Variants in ZFAND3 observed in about 807,000 individuals in gnomAD.
The protein encoded by ZFAND3 is AN1-type zinc finger protein 3.
A neutral mutation model predicts 29.6 loss-of-function variants in ZFAND3; 10 were observed. The ratio of observed to expected loss-of-function variants is 0.34; its 90% CI spans 0.21 to 0.57. ZFAND3 has a LOEUF of 0.57. Among genes scored for constraint, ZFAND3 ranks in the 20% least tolerant of loss-of-function variants. The pLI is 0.86. For missense variants in ZFAND3, 230 were observed against 304.5 expected (o/e 0.76, Z 1.82); for synonymous variants, 128 against 112.6 (o/e 1.14, Z -0.87).
chr6:37,845,582 C>T (rs374568223), intron 1 of ZFAND3, among the ~76,000 whole-genome samples: 1 of 152,124 alleles, frequency 6.6e-6, no homozygotes, highest in Admixed American at 6.5e-5. Context: ...ATTGCTTTTT[C>T]GTACTGTGAG....
chr6:37,861,648 G>A (rs1359402856), intron 1 of ZFAND3, among the ~76,000 whole-genome samples: 6 of 152,274 alleles, frequency 3.9e-5, no homozygotes, highest in Non-Finnish European at 8.8e-5. Flanking sequence ...AAAGAATTAT[G>A]AAACTTCTAG....
At chr6:38,091,293 G>C (rs1322620353) in intron 4 of ZFAND3, among the ~76,000 whole-genome samples, 1 of 149,582 alleles carries the variant, frequency 6.7e-6, no homozygotes, top group Non-Finnish European at 1.5e-5. Context: ...AGTTACAGCT[G>C]GTTTTTTTTT....
chr6:37,862,486 G>C (rs1764510230), intron 1 of ZFAND3, among the ~76,000 whole-genome samples: 1 of 149,766 alleles, frequency 6.7e-6, no homozygotes, highest in Non-Finnish European at 1.5e-5. Flanking sequence ...CAGGAGTTGA[G>C]ACCTGGGTGA....
Position 37,891,572 on chromosome 6 carries a change from A to T in ZFAND3, c.72-38387A>T, listed in dbSNP as rs1376614372. Among the ~76,000 whole-genome samples, 6 of 147,466 alleles carry T rather than the reference A, an allele frequency of 4.1e-5. 1 individual carries two copies. The highest frequency in any genetic ancestry group is 4.0e-4 in the Admixed American group (6 of 14,968). On this transcript the variant is annotated intron_variant, in intron 1 of 5. Coordinates refer to ENST00000287218, the MANE Select transcript of ZFAND3 (RefSeq NM_021943.3). ...CGAGATCACACCACTGCTGCACTCC[A>T]GCCTGGGCTAAATAAATAAATAATA...
chr6:38,154,244 A>AGCCCTTCCCG lies in ZFAND3; in HGVS notation c.*1861_*1870dup. Reference sequence around the variant, plus strand: ...GCTCTGGTCCCGAAGAGGCTGTGCGAGCCCTTCCCGGCCCTCCCCAGGGCC... The same window carrying AGCCCTTCCCG: ...GCTCTGGTCCCGAAGAGGCTGTGCGAGCCCTTCCCGGCCCTTCCCGGCCCTCCCCAGGGCC... On this transcript the variant is annotated 3_prime_UTR_variant, in exon 6 of 6. Coordinates refer to ENST00000287218, the MANE Select transcript of ZFAND3 (RefSeq NM_021943.3). 1 of 985,460 alleles carries AGCCCTTCCCG rather than the reference A, an allele frequency of 1.0e-6. No individual in the cohort carries two copies. Among genetic ancestry groups the AGCCCTTCCCG allele is most frequent in the South Asian group, 4.7e-5 (1 of 21,280 alleles). 61.0% of individuals were successfully genotyped at this position (985,460 alleles called of 1,614,324 possible).
chr6:37,845,202 A>G (rs1026516772), intron 1 of ZFAND3, among the ~76,000 whole-genome samples: 2 of 152,140 alleles, frequency 1.3e-5, no homozygotes, highest in African/African-American at 4.8e-5. Context: ...GCTTGGGGCC[A>G]TCTTTAATCT....
intron 2 of ZFAND3, among the ~76,000 whole-genome samples, chr6:37,974,398 CTCTCTTTT>C (rs1229999320): frequency 5.6e-5 from 5 of 89,616 alleles, no homozygotes; most frequent in Admixed American, 1.5e-4. Flanking sequence ...CTCTCTCTCT[CTCTCTTTT>C]TTTTTTTTTT....
chr6:37,931,451 A>T (rs1761592601), intron 2 of ZFAND3, among the ~76,000 whole-genome samples: 1 of 151,454 alleles, frequency 6.6e-6, no homozygotes, highest in African/African-American at 2.4e-5. Flanking sequence ...AGGCTGAGGC[A>T]GGAGAATTGC....
At position 38,107,694 on chromosome 6, in the gene ZFAND3, G is replaced by A. The variant is rs561641044; in HGVS notation, c.362-8878G>A. 9.2e-5 allele frequency among the ~76,000 whole-genome samples: 14 copies of A among 152,218 alleles called. No homozygotes were observed. In the South Asian group the frequency reaches 1.5e-3, roughly 16 times the overall value. On this transcript the variant is annotated intron_variant, in intron 4 of 5. Transcript: ENST00000287218. ...TAAAAATACAAAAAATTAGCCAGGC[G>A]TGGTAGCTCACACCTGTAGTCCCAG...
intron 2 of ZFAND3, among the ~76,000 whole-genome samples, chr6:38,026,421 A>ATT (rs10715149): frequency 0.023 from 1,734 of 74,858 alleles, 213 homozygotes; most frequent in East Asian, 0.041. Flanking sequence ...TTACTTTAGG[A>ATT]TTTTTTTTTT....
At chr6:38,070,426 A>AAG (rs1554171597) in intron 3 of ZFAND3, among the ~76,000 whole-genome samples, 30 of 151,092 alleles carry the variant, frequency 2.0e-4, no homozygotes, top group Admixed American at 5.9e-4. Flanking sequence ...AAAAAAAAAA[A>AAG]AAAGATTTTA....
chr6:38,067,730 T>C (rs1764374888), intron 3 of ZFAND3, among the ~76,000 whole-genome samples: 1 of 152,206 alleles, frequency 6.6e-6, no homozygotes, highest in South Asian at 2.1e-4. Flanking sequence ...TCAGTTGTTT[T>C]GTTGTTCTCA....
chr6:38,081,783 A>T (rs1010568173), intron 3 of ZFAND3, among the ~76,000 whole-genome samples: 7 of 151,926 alleles, frequency 4.6e-5, no homozygotes, highest in Non-Finnish European at 8.8e-5. Context: ...TATGCATCAG[A>T]TCTCTGGGCC....
intron 1 of ZFAND3, among the ~76,000 whole-genome samples, chr6:37,925,060 A>C (rs1456114388): frequency 6.6e-6 from 1 of 152,122 alleles, no homozygotes; most frequent in Non-Finnish European, 1.5e-5. Flanking sequence ...GTCAGATCAC[A>C]AGGAGACTTC....
At chr6:37,991,923 A>T (rs1014460147) in intron 2 of ZFAND3, among the ~76,000 whole-genome samples, 1 of 152,182 alleles carries the variant, frequency 6.6e-6, no homozygotes, top group Non-Finnish European at 1.5e-5. Flanking sequence ...GATTCTTTTG[A>T]CATTTAACCC....
Position 37,907,197 on chromosome 6 carries a change from A to G in ZFAND3, c.72-22762A>G, listed in dbSNP as rs75888512. Among the ~76,000 whole-genome samples the G allele has an allele frequency of 4.3e-3, 659 of 152,204 alleles. 3 individuals carry two copies. The highest frequency in any genetic ancestry group is 0.015 in the African/African-American group (630 of 41,534). On this transcript the variant is annotated intron_variant, in intron 1 of 5. Transcript: ENST00000287218. ...TATCATTGATTTTTTTTCAGATCAT[A>G]GAATATTCCTCTCCCAACTTTTTTG...
intron 1 of ZFAND3, among the ~76,000 whole-genome samples, chr6:37,849,679 G>T (rs1764247926): frequency 6.6e-6 from 1 of 152,124 alleles, no homozygotes; most frequent in South Asian, 2.1e-4. Flanking sequence ...CAAAGTGCTG[G>T]GATTACAGGC....
intron 2 of ZFAND3, among the ~76,000 whole-genome samples, chr6:37,965,128 G>C (rs192649582): frequency 7.2e-5 from 11 of 152,172 alleles, no homozygotes. Context: ...ATTTTTAAAA[G>C]CACCAATTGT....
Position 37,819,874 on chromosome 6 carries a change from C to T in ZFAND3, c.-72C>T, listed in dbSNP as rs1763626168. The T allele has an allele frequency of 3.6e-6, 4 of 1,117,076 alleles. No individual in the cohort carries two copies. Among genetic ancestry groups the T allele is most frequent in the Non-Finnish European group, 3.3e-6 (3 of 906,210 alleles). 69.2% of individuals were successfully genotyped at this position (1,117,076 alleles called of 1,614,324 possible). ...AGCCCCCCGACGCCGCCGCCACCGC[C>T]TCCTCAGAGCGGGGCCCGGGCCCAG... is the stretch of plus-strand genomic sequence containing the variant. On this transcript the variant is annotated 5_prime_UTR_variant, in exon 1 of 6. Transcript: ENST00000287218.
Sources: gnomAD v4.1 joint callset for allele counts (sites outside exome capture counted in the v4.1 genomes callset) on GRCh38, gnomAD v4.1.1 for gene constraint, MANE v1.5 for transcripts, NCBI Gene and HGNC (gene_info 2026-07-23, HGNC 2026-07-21) for gene names.